Variants in KBTBD12 observed in about 807,000 individuals in gnomAD.
KBTBD12 encodes the protein kelch repeat and BTB domain containing 12, also known as kelch repeat and BTB domain-containing protein 12.
Under a neutral mutation model 58.7 loss-of-function variants are expected in KBTBD12, and 53 were observed. The ratio of observed to expected loss-of-function variants is 0.90; its 90% CI spans 0.72 to 1.14. KBTBD12 has a LOEUF of 1.14. Among genes scored for constraint, KBTBD12 ranks in the 50% most tolerant of loss-of-function variants. KBTBD12 has a pLI of 0.00. For synonymous variants in KBTBD12, 236 were observed against 259.8 expected, an observed-to-expected ratio of 0.91 and a Z score of 0.88; for missense variants, 704 against 751.3, an observed-to-expected ratio of 0.94 and a Z score of 0.74.
intron 5 of KBTBD12, among the ~76,000 whole-genome samples, chr3:127,979,977 C>T (rs1940846518): frequency 6.6e-6 from 1 of 152,200 alleles, no homozygotes; most frequent in African/African-American, 2.4e-5. Flanking sequence ...AACACATACA[C>T]TCAGCTGGAG....
chr3:127,930,802 T>A (rs1211903261), intron 4 of KBTBD12, among the ~76,000 whole-genome samples: 1 of 152,184 alleles, frequency 6.6e-6, no homozygotes, highest in Non-Finnish European at 1.5e-5. Context: ...ATATGTATGG[T>A]CTTGTACTAA....
Position 127,974,959 on chromosome 3 carries a change from C to T in KBTBD12, c.1691-9138C>T, listed in dbSNP as rs146628465. Among the ~76,000 whole-genome samples, 741 of 152,272 alleles carry T rather than the reference C, an allele frequency of 4.9e-3. 3 individuals carry two copies. The highest frequency in any genetic ancestry group is 0.027 in the Middle Eastern group (8 of 294). On this transcript the variant is annotated intron_variant, in intron 5 of 5. Transcript: ENST00000405109. ...CTGCACTCCAGCCTGGGTGACAGAGCGAGACTCCGTCTCAAAATAAATAAA... is the reference window on the plus strand; with the variant it reads ...CTGCACTCCAGCCTGGGTGACAGAGTGAGACTCCGTCTCAAAATAAATAAA...
At chr3:127,933,262 T>C (rs1003508324) in intron 4 of KBTBD12, among the ~76,000 whole-genome samples, 9 of 152,154 alleles carry the variant, frequency 5.9e-5, no homozygotes, top group African/African-American at 2.2e-4. Flanking sequence ...GTGCTGTTCC[T>C]CACCCCAGCT....
intron 4 of KBTBD12, among the ~76,000 whole-genome samples, chr3:127,946,644 T>G (rs1940088908): frequency 6.6e-6 from 1 of 152,218 alleles, no homozygotes; most frequent in Admixed American, 6.5e-5. Flanking sequence ...CACTGTGCTT[T>G]TGGAATGTAT....
At position 127,923,648 on chromosome 3, in the gene KBTBD12, A is replaced by T; in HGVS notation, c.587A>T (p.Asp196Val). ...LNISREESIL[D>V]LVLRWVNHNK... ...ATATCCAGAGAAGAGAGCATTCTGG[A>T]CTTAGTTCTGAGATGGGTAAATCAT... Residue 196 changes from aspartate (D) to valine (V), a missense_variant, in exon 2 of 6, where the codon GAC (aspartate) becomes GTC (valine). By Grantham distance (152) the Asp-to-Val change is radical (BLOSUM62 -3). Transcript: ENST00000405109. 6.2e-7 allele frequency: 1 copy of T among 1,613,772 alleles called. No individual in the cohort carries two copies.
chr3:127,946,045 A>G (rs555346226), intron 4 of KBTBD12, among the ~76,000 whole-genome samples: 1 of 152,302 alleles, frequency 6.6e-6, no homozygotes, highest in Non-Finnish European at 1.5e-5. Context: ...ATTACAGTCT[A>G]CCTTAAGTTA....
chr3:127,971,859 C>A (rs1940688998), intron 5 of KBTBD12, among the ~76,000 whole-genome samples: 1 of 152,172 alleles, frequency 6.6e-6, no homozygotes, highest in East Asian at 1.9e-4. Context: ...TCAGCCCCTC[C>A]AAATCTTCCT....
intron 4 of KBTBD12, among the ~76,000 whole-genome samples, chr3:127,937,131 C>A (rs1055064400): frequency 4.6e-5 from 7 of 151,730 alleles, no homozygotes; most frequent in Non-Finnish European, 8.8e-5. Context: ...GTTAATGAAA[C>A]AAGACACCTT....
chr3:127,918,021 G>A (rs548751149), intron 1 of KBTBD12, among the ~76,000 whole-genome samples: 4 of 152,120 alleles, frequency 2.6e-5, no homozygotes, highest in African/African-American at 9.6e-5. Context: ...ACGCACCTGG[G>A]CAACACAGTA....
At chr3:127,926,346 A>G (rs1448368283) in intron 2 of KBTBD12, among the ~76,000 whole-genome samples, 1 of 152,212 alleles carries the variant, frequency 6.6e-6, no homozygotes, top group Non-Finnish European at 1.5e-5. Flanking sequence ...GTTCATTTAT[A>G]TATTAATTCA....
At chr3:127,971,351 C>T (rs1272196023) in intron 5 of KBTBD12, among the ~76,000 whole-genome samples, 6 of 152,126 alleles carry the variant, frequency 3.9e-5, no homozygotes, top group Non-Finnish European at 8.8e-5. Flanking sequence ...TACCGAAGAG[C>T]CACTCTCATG....
chr3:127,941,098 G>A (rs1022729685), intron 4 of KBTBD12, among the ~76,000 whole-genome samples: 8 of 152,086 alleles, frequency 5.3e-5, no homozygotes, highest in Non-Finnish European at 1.0e-4. Context: ...GGTTTCACTC[G>A]TGAATTTAAC....
chr3:127,964,640 C>CAAAAAAAAAA (rs34230294), intron 5 of KBTBD12, among the ~76,000 whole-genome samples: 1 of 111,138 alleles, frequency 9.0e-6, no homozygotes, highest in Non-Finnish European at 1.9e-5. Context: ...GACTCCATCT[C>CAAAAAAAAAA]AAAAAAAAAA....
chr3:127,925,200 C>T (rs1319505330), intron 2 of KBTBD12, among the ~76,000 whole-genome samples: 9 of 152,160 alleles, frequency 5.9e-5, no homozygotes, highest in African/African-American at 2.2e-4. Flanking sequence ...GAATGCAGAG[C>T]CCTGGCTGGG....
intron 5 of KBTBD12, among the ~76,000 whole-genome samples, chr3:127,983,697 G>A (rs1295356538): frequency 6.6e-6 from 1 of 152,048 alleles, no homozygotes; most frequent in East Asian, 1.9e-4. Context: ...AGGTTGCAGT[G>A]AGCGAGATTG....
intron 4 of KBTBD12, among the ~76,000 whole-genome samples, chr3:127,932,143 T>C (rs886208220): frequency 6.6e-6 from 1 of 152,168 alleles, no homozygotes; most frequent in African/African-American, 2.4e-5. Flanking sequence ...GCTTACACTC[T>C]AGTTTTTGAA....
chr3:127,965,684 G>A (rs1940549182), intron 5 of KBTBD12, among the ~76,000 whole-genome samples: 1 of 152,216 alleles, frequency 6.6e-6, no homozygotes, highest in Admixed American at 6.5e-5. Context: ...AAGACAGATG[G>A]ATAAACATGT....
intron 4 of KBTBD12, among the ~76,000 whole-genome samples, chr3:127,943,595 A>C (rs1940006661): frequency 1.3e-5 from 2 of 151,638 alleles, no homozygotes; most frequent in Non-Finnish European, 2.9e-5. Context: ...TTGGATATTA[A>C]CCCTTTTCAG....
intron 5 of KBTBD12, among the ~76,000 whole-genome samples, chr3:127,972,307 T>C (rs542620014): frequency 6.6e-6 from 1 of 152,346 alleles, no homozygotes; most frequent in South Asian, 2.1e-4. Flanking sequence ...AGCAGTAGGC[T>C]AAACTGTCTC....
Sources: allele counts gnomAD v4.1 joint callset (sites outside exome capture counted in the v4.1 genomes callset), GRCh38; gene constraint gnomAD v4.1.1; transcripts MANE v1.5; gene names NCBI Gene and HGNC (gene_info 2026-07-23, HGNC 2026-07-21).